The following KRTCAP2 variants were observed in gnomAD, a reference collection of about 807,000 sequenced individuals.
KRTCAP2 encodes the protein dolichyl-diphosphooligosaccharide--protein glycosyltransferase subunit KCP2.
Under a neutral mutation model 16.5 loss-of-function variants are expected in KRTCAP2, and 10 were observed. The ratio of observed to expected loss-of-function variants is 0.60; its 90% CI spans 0.37 to 1.02. The LOEUF (loss-of-function observed/expected upper bound fraction) is 1.02, where lower values mean the gene tolerates loss of function less well. KRTCAP2 is among the 50% of genes least tolerant of loss of function. The probability of loss-of-function intolerance (pLI) is 0.01; values close to 1 mark genes in which losing one functional copy is unlikely to be tolerated. For synonymous variants in KRTCAP2, 68 were observed against 69.8 expected, an observed-to-expected ratio of 0.97 and a Z score of 0.13; for missense variants, 152 against 159.6, an observed-to-expected ratio of 0.95 and a Z score of 0.26.
In KRTCAP2 at chr1:155,172,591, C is replaced by T; in HGVS notation, c.197G>A (p.Gly66Glu). 3.1e-6 allele frequency: 5 copies of T among 1,614,220 alleles called. No homozygotes were observed. Among genetic ancestry groups the T allele is most frequent in the Middle Eastern group, 1.6e-4 (1 of 6,062 alleles). ...CTCAGGGAAGATCTTTGCTTGGAAT[C>T]CTTTGCCAAAGACAAGATTCTCCAG... ...NNLENLVFGK[G>E]FQAKIFPEIL... is the part of the protein sequence containing the mutation. Residue 66 changes from glycine to glutamate, a missense_variant, in exon 3 of 5, where the codon GGA becomes GAA. Gly to Glu is a moderately conservative substitution (Grantham distance 98). Coordinates refer to ENST00000295682, the MANE Select transcript of KRTCAP2 (RefSeq NM_173852.4).
chr1:155,173,163 G>A (rs1665330198), intron 1 of KRTCAP2, 58 bp downstream of exon 1: 2 of 1,426,230 alleles, frequency 1.4e-6, no homozygotes, highest in African/African-American at 1.4e-5. Flanking sequence ...AGGAAAGCTT[G>A]TCCACCCAAA....
Position 155,172,762 on chromosome 1 carries a change from C to T in KRTCAP2, c.135G>A (p.Ser45=), listed in dbSNP as rs746648555. 4 of 1,614,180 alleles carry T rather than the reference C, an allele frequency of 2.5e-6. No homozygotes were observed. The highest frequency in any genetic ancestry group is 3.4e-6 in the Non-Finnish European group (4 of 1,180,038). Residue 45 remains serine, a synonymous_variant, in exon 2 of 5, where the codon TCG becomes TCA. Transcript: ENST00000295682. ...WLTIQGGLLG[S]GLFVFSLTAF... is the part of the protein sequence containing the mutation. ...CAGTGAGCGAGAACACGAAGAGACC[C>T]GAACCAAGCAGGCCGCCCTGGATGG...
At chr1:155,172,283 G>C (rs1665278118) in intron 3 of KRTCAP2, 2 of 1,289,072 alleles carry the variant, frequency 1.6e-6, no homozygotes, top group Non-Finnish European at 2.0e-6. Flanking sequence ...CCAGCGAATA[G>C]ATGCAAAACA....
rs200517433 is a variant in KRTCAP2, at chr1:155,169,544, C to T, written c.307G>A (p.Val103Ile). ...ATCTTGTTGATGTAGTACAGACCAA[C>T]CATGGAGAAGATGAAGCTATATGGT... is the stretch of plus-strand genomic sequence containing the variant. Reference protein sequence around the residue: ...CVTTCFIFSMVGLYYINKISS... With the variant: ...CVTTCFIFSMIGLYYINKISS... The change falls in exon 5 of 5, where the codon GTT becomes ATT. Residue 103 changes from valine to isoleucine, a missense_variant. By Grantham distance (29) the Val-to-Ile change is conservative (BLOSUM62 3). Transcript: ENST00000295682. The T allele has an allele frequency of 6.2e-7, 1 of 1,614,016 alleles. No individual in the cohort carries two copies. Among genetic ancestry groups the T allele is most frequent in the Admixed American group, 1.7e-5 (1 of 60,004 alleles).
intron 2 of KRTCAP2, 31 bp from the exon 3 acceptor site, chr1:155,172,659 C>G: frequency 1.2e-6 from 2 of 1,614,038 alleles, no homozygotes; most frequent in Non-Finnish European, 1.7e-6. Context: ...GTAGGGTGTG[C>G]AACGGGGACA....
rs1177598028 is a variant in KRTCAP2, at chr1:155,172,912, G to A, written c.5-20C>T. 1.2e-6 allele frequency: 2 copies of A among 1,612,372 alleles called. No individual in the cohort carries two copies. Among genetic ancestry groups the A allele is most frequent in the Non-Finnish European group, 1.7e-6 (2 of 1,179,258 alleles). On this transcript the variant is annotated intron_variant, in intron 1 of 4. Coordinates refer to ENST00000295682, the MANE Select transcript of KRTCAP2 (RefSeq NM_173852.4). ...CCACCACTGGAGGGGATGGGAGAAG[G>A]GACGGAGAGTCAGGCTCCGCCCTCC...
In KRTCAP2 at chr1:155,172,616, G is replaced by T; in HGVS notation, c.172C>A (p.Leu58Met). Residue 58 changes from leucine to methionine, a missense_variant, in exon 3 of 5, where the codon CTG (leucine) becomes ATG (methionine). By Grantham distance (15) the Leu-to-Met change is conservative. Transcript: ENST00000295682. ...CCTTTGCCAAAGACAAGATTCTCCA[G>T]ATTATTGAAGGCCTGGTTGAGGGAG... ...FVFSLTAFNN[L>M]ENLVFGKGFQ... is the part of the protein sequence containing the mutation. 6.2e-7 allele frequency: 1 copy of T among 1,614,230 alleles called. No homozygotes were observed. The highest frequency in any genetic ancestry group is 1.1e-5 in the South Asian group (1 of 91,086).
rs751303947 is a variant in KRTCAP2 at position 155,169,480 on chromosome 1, G to A, written c.371C>T (p.Thr124Ile). ...TLYQAAAPVL[T>I]PAKVTGKSKK... ...GCTCTTGCCTGTGACCTTGGCTGGT[G>A]TGAGGACTGGAGCTGCTGCCTGGTA... Residue 124 changes from threonine (T) to isoleucine (I), a missense_variant, in exon 5 of 5, where the codon ACA becomes ATA. Physicochemically the swap from Thr to Ile is moderately conservative, Grantham distance 89 (BLOSUM62 -1). Coordinates refer to ENST00000295682, the MANE Select transcript of KRTCAP2 (RefSeq NM_173852.4). 1.2e-6 allele frequency: 2 copies of A among 1,614,150 alleles called. No homozygotes were observed. Among genetic ancestry groups the A allele is most frequent in the Admixed American group, 1.7e-5 (1 of 60,028 alleles).
At position 155,172,858 on chromosome 1, in the gene KRTCAP2, G is replaced by T; in HGVS notation, c.39C>A (p.Ser13=). The T allele has an allele frequency of 6.2e-7, 1 of 1,614,178 alleles. No homozygotes were observed. The highest frequency in any genetic ancestry group is 8.5e-7 in the Non-Finnish European group (1 of 1,180,030). ...CAGCAAAGAGCAGCAGGGACAGGAG[G>T]GAGGAGAGCGCCAGCGAGGTGCCCG... The part of the protein sequence containing the change: ...VGTGTSLALS[S]LLSLLLFAGM... Residue 13 remains serine (S), a synonymous_variant, in exon 2 of 5, where the codon TCC becomes TCA. Transcript: ENST00000295682.
intron 3 of KRTCAP2, 163 bp from the exon 4 acceptor site, chr1:155,170,020 C>T: frequency 1.8e-6 from 1 of 562,082 alleles, no homozygotes; most frequent in Non-Finnish European, 3.3e-6. Flanking sequence ...TTAATGATAC[C>T]CAGAACATGG....
At chr1:155,169,677 A>G in intron 4 of KRTCAP2, 114 bp downstream of exon 4, 1 of 1,389,374 alleles carries the variant, frequency 7.2e-7, no homozygotes, top group Non-Finnish European at 1.0e-6. Context: ...GAAAACGGGG[A>G]GGGAGAACAG....
chr1:155,171,791 G>C (rs911165893), intron 3 of KRTCAP2: 3 of 759,014 alleles, frequency 4.0e-6, no homozygotes, highest in African/African-American at 2.0e-5. Context: ...CCAGGTCAAG[G>C]CTTCAGTGAT....
Position 155,172,733 on chromosome 1 carries a change from G to A in KRTCAP2, c.159+5C>T. Reference sequence around the variant, plus strand: ...GCCCGCCCCCTCCAACTGCAGGGAGGATACAGTGAGCGAGAACACGAAGAG... The same window carrying A: ...GCCCGCCCCCTCCAACTGCAGGGAGAATACAGTGAGCGAGAACACGAAGAG... On this transcript the variant is annotated splice_donor_5th_base_variant and intron_variant, in intron 2 of 4. Coordinates refer to ENST00000295682, the MANE Select transcript of KRTCAP2 (RefSeq NM_173852.4). The A allele has an allele frequency of 6.2e-7, 1 of 1,614,160 alleles. No homozygotes were observed.
At chr1:155,169,662 T>C in intron 4 of KRTCAP2, 102 bp from the exon 5 acceptor site, 1 of 1,470,278 alleles carries the variant, frequency 6.8e-7, no homozygotes, top group Non-Finnish European at 9.4e-7. Context: ...CAAGTTCAAG[T>C]TTAGGAAAAC....
In KRTCAP2 at chr1:155,169,614, T is replaced by C. The variant is rs920867569; in HGVS notation, c.291-54A>G. ...CACCAGTGGGCATCTGCCAGCCTGGTGCCTCCTAGGGAAGACACTAGCATC... is the reference window on the plus strand; with the variant it reads ...CACCAGTGGGCATCTGCCAGCCTGGCGCCTCCTAGGGAAGACACTAGCATC... On this transcript the variant is annotated intron_variant, in intron 4 of 4. Transcript: ENST00000295682. 9 of 1,593,664 alleles carry C rather than the reference T, an allele frequency of 5.6e-6. No homozygotes were observed. In the African/African-American group the frequency reaches 1.2e-4, roughly 21 times the overall value.
rs1289997543 is a variant in KRTCAP2 at position 155,169,828 on chromosome 1, C to T, written c.253G>A (p.Ala85Thr). The T allele has an allele frequency of 6.3e-7, 1 of 1,595,254 alleles. No homozygotes were observed. Among genetic ancestry groups the T allele is most frequent in the South Asian group, 1.1e-5 (1 of 87,954 alleles). The change falls in exon 4 of 5, where the codon GCA (alanine) becomes ACA (threonine). Residue 85 changes from alanine to threonine, a missense_variant. Coordinates refer to ENST00000295682, the MANE Select transcript of KRTCAP2 (RefSeq NM_173852.4). ...ILLCLLLALF[A>T]SGLIHRVCVT... is the part of the protein sequence containing the mutation. Reference sequence around the variant, plus strand: ...CAGACTCGGTGGATGAGGCCAGATGCAAAGAGAGCCAACAGGAGGCACAGG... The same window carrying T: ...CAGACTCGGTGGATGAGGCCAGATGTAAAGAGAGCCAACAGGAGGCACAGG...
chr1:155,172,211 C>A, intron 3 of KRTCAP2: 1 of 1,142,026 alleles, frequency 8.8e-7, no homozygotes, highest in Non-Finnish European at 1.1e-6. Flanking sequence ...GTTAACTTCA[C>A]ATCAGAACTC....
chr1:155,173,124 G>T, intron 1 of KRTCAP2, 97 bp downstream of exon 1: 1 of 1,168,160 alleles, frequency 8.6e-7, no homozygotes, highest in Non-Finnish European at 1.2e-6. Flanking sequence ...GTGGAACCCA[G>T]GACACGTCAG....
At position 155,169,699 on chromosome 1, in the gene KRTCAP2, G is replaced by A. The variant is rs894328999; in HGVS notation, c.290+92C>T. 2.2e-6 allele frequency: 3 copies of A among 1,347,506 alleles called. No individual in the cohort carries two copies. The Admixed American group carries it at 6.0e-5, about 27-fold the overall frequency. 83.5% of individuals were successfully genotyped at this position (1,347,506 alleles called of 1,614,324 possible). A position where few individuals can be genotyped will look rare whatever the true frequency, so the allele number is the denominator to read the frequency against. On this transcript the variant is annotated intron_variant, in intron 4 of 4. Coordinates refer to ENST00000295682, the MANE Select transcript of KRTCAP2 (RefSeq NM_173852.4). ...GGGAGGGAGAACAGAGAGAGAGGTA[G>A]GTGTGGAAGGAAAAACTCTGGCACC...
Sources: gnomAD v4.1 joint callset for allele counts on GRCh38, gnomAD v4.1.1 for gene constraint, MANE v1.5 for transcripts, NCBI Gene and HGNC (gene_info 2026-07-23, HGNC 2026-07-21) for gene names.